DCAF1: variants seen among roughly 807,000 people sequenced by gnomAD.
DCAF1 encodes DDB1 and CUL4 associated factor 1.
DCAF1 carries 15 observed loss-of-function variants against 128.0 expected under a neutral mutation model. The observed-to-expected ratio is 0.12, with a 90% CI of 0.08 to 0.18. The LOEUF is 0.18. DCAF1 is among the 10% of genes least tolerant of loss of function. The pLI is 1.00. For synonymous variants in DCAF1, 610 were observed against 603.0 expected (o/e 1.01, Z -0.17); for missense variants, 988 against 1,649.5 (o/e 0.60, Z 6.95).
chr3:51,469,221 A>ATTTTTTTTTTTTT (rs781851604), intron 4 of DCAF1, among the ~76,000 whole-genome samples: 1 of 116,722 alleles, frequency 8.6e-6, no homozygotes, highest in Non-Finnish European at 1.7e-5. Flanking sequence ...CCACACACAA[A>ATTTTTTTTTTTTT]TTTTTTTTTT....
upstream of DCAF1, among the ~76,000 whole-genome samples, chr3:51,502,607 C>T (rs782645572): frequency 4.0e-5 from 6 of 151,654 alleles, no homozygotes; most frequent in Non-Finnish European, 8.8e-5. Context: ...AGCCTGGGGC[C>T]CTGGGTTGGT....
At chr3:51,425,090 TA>T (rs1343410706) in intron 13 of DCAF1, among the ~76,000 whole-genome samples, 1 of 152,262 alleles carries the variant, frequency 6.6e-6, no homozygotes, top group Non-Finnish European at 1.5e-5. Flanking sequence ...CTTTTCTCTT[TA>T]AAAGATTCTG....
chr3:51,498,722 T>C (rs1248245947), intron 1 of DCAF1, among the ~76,000 whole-genome samples: 1 of 152,152 alleles, frequency 6.6e-6, no homozygotes, highest in Non-Finnish European at 1.5e-5. Flanking sequence ...TCCAAAAATA[T>C]ATACCCACTC....
chr3:51,427,609 A>G (rs1482647319), intron 12 of DCAF1, 68 bp from the exon 13 acceptor site: 9 of 466,244 alleles, frequency 1.9e-5, no homozygotes, highest in Non-Finnish European at 3.1e-5. Context: ...CTCCTTGAGC[A>G]CAGCTCACTG....
rs1553625545 is a variant in DCAF1, at chr3:51,403,291, C to G, written c.4317G>C (p.Glu1439Asp). ...CCCCTGCGTTCTCATTATTGTCGTCCTCCTCCAACTCCGCCTCCAGCAACT... is the reference window on the plus strand; with the variant it reads ...CCCCTGCGTTCTCATTATTGTCGTCGTCCTCCAACTCCGCCTCCAGCAACT... ...TDQLLEAELE[E>D]DDNNENAGED... The change falls in exon 24 of 25, where the codon GAG becomes GAC. Residue 1439 changes from glutamate to aspartate, a missense_variant. Transcript: ENST00000684031. 7.5e-6 allele frequency: 12 copies of G among 1,594,308 alleles called. No individual in the cohort carries two copies. The highest frequency in any genetic ancestry group is 1.0e-5 in the Non-Finnish European group (12 of 1,170,384).
intron 13 of DCAF1, among the ~76,000 whole-genome samples, chr3:51,425,103 A>G (rs547728818): frequency 6.6e-6 from 1 of 152,352 alleles, no homozygotes; most frequent in South Asian, 2.1e-4. Context: ...AAGATTCTGC[A>G]TATTCTAAAG....
chr3:51,461,019 A>C (rs1407416706), intron 6 of DCAF1, among the ~76,000 whole-genome samples: 1 of 152,176 alleles, frequency 6.6e-6, no homozygotes, highest in Non-Finnish European at 1.5e-5. Flanking sequence ...TTCATGTCTA[A>C]AACACCAAAA....
In DCAF1 at chr3:51,419,903, C is replaced by T; in HGVS notation, c.3067G>A (p.Val1023Ile). 6.2e-7 allele frequency: 1 copy of T among 1,614,028 alleles called. No individual in the cohort carries two copies. Among genetic ancestry groups the T allele is most frequent in the Non-Finnish European group, 8.5e-7 (1 of 1,179,904 alleles). Residue 1023 changes from valine (V) to isoleucine (I), a missense_variant, in exon 15 of 25, where the codon GTT becomes ATT. By Grantham distance (29) the Val-to-Ile change is conservative. This residue lies in a region of DCAF1 where 105 missense variants were observed against 266.7 expected (regional missense o/e 0.39). Coordinates refer to ENST00000684031, the MANE Select transcript of DCAF1 (RefSeq NM_001387579.1). ...REQHARCKNPVATCPPFSLFT... is the reference protein window; with the variant it reads ...REQHARCKNPIATCPPFSLFT... ...AGGGAGAAAGGTGGGCAGGTGGCAA[C>T]TGGATTCTTGCAGCGAGCATGTTGT...
At position 51,429,499 on chromosome 3, in the gene DCAF1, A is replaced by G. The variant is rs550767392; in HGVS notation, c.1468-29T>C. 1.3e-4 allele frequency: 104 copies of G among 776,110 alleles called. 1 individual carries two copies. Among genetic ancestry groups the G allele is most frequent in the South Asian group, 1.2e-3 (87 of 74,500 alleles). The allele number at this position is 776,110 out of a possible 1,614,324, so 48.1% of individuals were successfully genotyped here. Reference sequence around the variant, plus strand: ...TTAAGATGCAAAATATTGGGGCAAAAGAGGGGAAAAGGCAAGAAGAGTTAA... The same window carrying G: ...TTAAGATGCAAAATATTGGGGCAAAGGAGGGGAAAAGGCAAGAAGAGTTAA... On this transcript the variant is annotated intron_variant, in intron 11 of 24. Transcript: ENST00000684031.
intron 2 of DCAF1, among the ~76,000 whole-genome samples, chr3:51,494,421 CCTTTT>C (rs1553659753): frequency 1.3e-5 from 2 of 151,984 alleles, no homozygotes; most frequent in Non-Finnish European, 2.9e-5. Context: ...GCCGAGGTTT[CCTTTT>C]AAGGTGATAA....
intron 6 of DCAF1, among the ~76,000 whole-genome samples, chr3:51,447,525 T>G (rs1701994842): frequency 2.6e-5 from 4 of 152,216 alleles, no homozygotes; most frequent in African/African-American, 9.6e-5. Flanking sequence ...AGCATATTTC[T>G]TTGTGCCCTT....
intron 3 of DCAF1, among the ~76,000 whole-genome samples, chr3:51,482,900 G>GC (rs2108403256): frequency 6.6e-6 from 1 of 151,590 alleles, no homozygotes; most frequent in South Asian, 2.1e-4. Flanking sequence ...ACTTTGGGAG[G>GC]CCAAGGCAGG....
In DCAF1 at chr3:51,422,493, G is replaced by A. The variant is rs567272270; in HGVS notation, c.1848-62C>T. ...ATAGCCACAAGAATCAAGAGAGACA[G>A]AGAGAGAGACACACAGACAGATAGA... is the stretch of plus-strand genomic sequence containing the variant. On this transcript the variant is annotated intron_variant, in intron 13 of 24. Coordinates refer to ENST00000684031, the MANE Select transcript of DCAF1 (RefSeq NM_001387579.1). 2.5e-5 allele frequency: 18 copies of A among 706,014 alleles called. No individual in the cohort carries two copies. The African/African-American group carries it at 3.0e-4, about 12-fold the overall frequency. The allele number at this position is 706,014 out of a possible 1,614,324, so 43.7% of individuals were successfully genotyped here.
chr3:51,422,878 A>G (rs190843257), intron 13 of DCAF1, among the ~76,000 whole-genome samples: 44 of 152,144 alleles, frequency 2.9e-4, no homozygotes, highest in Admixed American at 2.8e-3. Flanking sequence ...AGAATGGGCA[A>G]CATGGTTTTA....
chr3:51,414,168 C>A lies in DCAF1; in HGVS notation c.3838-125G>T, dbSNP rs1698676327. ...TTGATACTTTAAAAGTCAATGAGAT[C>A]AAGGTAAAACAAATACATGTAGAAT... On this transcript the variant is annotated intron_variant, in intron 19 of 24. Transcript: ENST00000684031. 6 of 1,264,436 alleles carry A rather than the reference C, an allele frequency of 4.7e-6. No homozygotes were observed. The South Asian group carries it at 7.6e-5, about 16-fold the overall frequency. The allele number at this position is 1,264,436 out of a possible 1,614,324, so 78.3% of individuals were successfully genotyped here. A position where few individuals can be genotyped will look rare whatever the true frequency, so the allele number is the denominator to read the frequency against.
intron 4 of DCAF1, 130 bp downstream of exon 4, chr3:51,470,799 C>T (rs548708209): frequency 2.7e-5 from 14 of 518,404 alleles, no homozygotes; most frequent in Admixed American, 6.7e-5. Context: ...CCACAAAAGA[C>T]GCTATTTCAA....
chr3:51,421,077 G>A (rs1699347262), intron 14 of DCAF1, 80 bp from the exon 15 acceptor site: 1 of 1,490,306 alleles, frequency 6.7e-7, no homozygotes, highest in African/African-American at 1.4e-5. Flanking sequence ...TCAAAATTTG[G>A]TGTTCTACTC....
rs782333387 is a variant in DCAF1, at chr3:51,429,498, AAG to A, written c.1468-30_1468-29del. 6 of 775,994 alleles carry A rather than the reference AAG, an allele frequency of 7.7e-6. No homozygotes were observed. The Admixed American group carries it at 1.0e-4, about 13-fold the overall frequency. The allele number at this position is 775,994 out of a possible 1,614,324, so 48.1% of individuals were successfully genotyped here. On this transcript the variant is annotated intron_variant, in intron 11 of 24. Coordinates refer to ENST00000684031, the MANE Select transcript of DCAF1 (RefSeq NM_001387579.1). ...ATTAAGATGCAAAATATTGGGGCAA[AAG>A]AGGGGAAAAGGCAAGAAGAGTTAAG...
chr3:51,421,265 T>C (rs1055382249), intron 14 of DCAF1, among the ~76,000 whole-genome samples: 15 of 152,184 alleles, frequency 9.9e-5, no homozygotes, highest in Non-Finnish European at 1.9e-4. Flanking sequence ...TCTGGTTTTA[T>C]TATTTTTTTG....
Sources: gnomAD v4.1 joint callset for allele counts (sites outside exome capture counted in the v4.1 genomes callset) on GRCh38, gnomAD v4.1.1 for gene constraint, gnomAD v4.1.1 regional missense constraint, MANE v1.5 for transcripts, NCBI Gene and HGNC (gene_info 2026-07-23, HGNC 2026-07-21) for gene names.